The following SLC2A14 variants were observed in gnomAD, a reference collection of about 807,000 sequenced individuals.
SLC2A14 encodes the protein solute carrier family 2, facilitated glucose transporter member 14.
A neutral mutation model predicts 43.0 loss-of-function variants in SLC2A14; 13 were observed. The observed-to-expected ratio is 0.30, with a 90% confidence interval of 0.20 to 0.48. SLC2A14 has a LOEUF of 0.48. SLC2A14 is among the 20% of genes least tolerant of loss of function. The pLI is 0.99. For synonymous variants in SLC2A14, 190 were observed against 233.8 expected, an observed-to-expected ratio of 0.81 and a Z score of 1.71; for missense variants, 428 against 620.4, an observed-to-expected ratio of 0.69 and a Z score of 3.29.
At chr12:7,841,541 G>A (rs1048271775) in intron 2 of SLC2A14, among the ~76,000 whole-genome samples, 1 of 152,126 alleles carries the variant, frequency 6.6e-6, no homozygotes, top group African/African-American at 2.4e-5. Flanking sequence ...GATTACAGGC[G>A]TGAGCCAGCT....
At chr12:7,838,677 A>G (rs1010746135) in intron 2 of SLC2A14, among the ~76,000 whole-genome samples, 6 of 152,226 alleles carry the variant, frequency 3.9e-5, no homozygotes, top group African/African-American at 1.4e-4. Flanking sequence ...GAATGGGTTA[A>G]GACTTTAGGG....
chr12:7,846,789 A>C (rs982850240), intron 2 of SLC2A14, among the ~76,000 whole-genome samples: 7 of 150,756 alleles, frequency 4.6e-5, no homozygotes, highest in Non-Finnish European at 1.0e-4. Context: ...CCGCCACTAC[A>C]CCCGCCTAAT....
chr12:7,873,263 A>C (rs1227636703), upstream of SLC2A14: 1 of 985,370 alleles, frequency 1.0e-6, no homozygotes, highest in Non-Finnish European at 1.2e-6. Flanking sequence ...CGAGCCCCTC[A>C]CCGCCTGCAG....
chr12:7,879,742 T>C (rs1335291134), intron 1 of SLC2A14, among the ~76,000 whole-genome samples: 1 of 152,028 alleles, frequency 6.6e-6, no homozygotes, highest in Non-Finnish European at 1.5e-5. Context: ...CAGTGGCTCA[T>C]GCCTGTAATC....
chr12:7,871,835 C>A, intron 1 of SLC2A14: 1 of 913,906 alleles, frequency 1.1e-6, no homozygotes, highest in Non-Finnish European at 1.3e-6. Context: ...CACTAGACTC[C>A]TCCCCTACAC....
chr12:7,874,808 ATACG>A (rs372288894), upstream of SLC2A14, among the ~76,000 whole-genome samples: 35,532 of 62,616 alleles, frequency 0.57, 8,162 homozygotes, highest in Middle Eastern at 0.7. Flanking sequence ...TAATATATAA[ATACG>A]TATTTATATA....
chr12:7,887,255 T>C (rs951998890), intron 1 of SLC2A14, among the ~76,000 whole-genome samples: 6 of 151,294 alleles, frequency 4.0e-5, no homozygotes, highest in African/African-American at 1.2e-4. Context: ...TCTAGAAGAG[T>C]AGTTCTTAAA....
chr12:7,838,331 C>T (rs1476439410), intron 2 of SLC2A14, among the ~76,000 whole-genome samples: 3 of 152,080 alleles, frequency 2.0e-5, no homozygotes, highest in Admixed American at 6.6e-5. Flanking sequence ...TGCGATCCAC[C>T]TGCCTCGGCC....
At chr12:7,818,058 G>A (rs1441714622) in intron 9 of SLC2A14, 24 bp from the exon 10 acceptor site, 2 of 1,603,360 alleles carry the variant, frequency 1.2e-6, no homozygotes, top group East Asian at 2.2e-5. Flanking sequence ...GAACACAGAA[G>A]ATTAAATTTA....
chr12:7,847,232 C>A (rs7980954), intron 2 of SLC2A14, among the ~76,000 whole-genome samples: 76,145 of 151,424 alleles, frequency 0.5, 19,134 homozygotes, highest in Middle Eastern at 0.62. Context: ...AGCCTGGGCA[C>A]CAAGAGAGAA....
upstream of SLC2A14, among the ~76,000 whole-genome samples, chr12:7,877,155 A>G (rs1338774187): frequency 6.6e-6 from 1 of 151,822 alleles, no homozygotes; most frequent in East Asian, 1.9e-4. Flanking sequence ...GGCGCATGCC[A>G]CTCGGCTAAT....
At chr12:7,861,413 C>G (rs187723520) in intron 2 of SLC2A14, among the ~76,000 whole-genome samples, 1 of 152,216 alleles carries the variant, frequency 6.6e-6, no homozygotes, top group Admixed American at 6.5e-5. Flanking sequence ...TTCAGTACCA[C>G]TGCTAGCTTT....
chr12:7,835,435 A>G (rs371811706), intron 2 of SLC2A14, among the ~76,000 whole-genome samples: 1 of 152,218 alleles, frequency 6.6e-6, no homozygotes, highest in East Asian at 1.9e-4. Flanking sequence ...AGGTCTGCCT[A>G]GAAAAAAAGG....
intron 7 of SLC2A14, among the ~76,000 whole-genome samples, chr12:7,822,586 G>A (rs921148502): frequency 8.6e-5 from 13 of 151,162 alleles, no homozygotes; most frequent in Non-Finnish European, 1.6e-4. Context: ...GGAGAATGGC[G>A]TGAACCTGGG....
Position 7,861,969 on chromosome 12 carries a change from A to AC in SLC2A14, c.18+7893_18+7894insG, listed in dbSNP as rs964425304. Among the ~76,000 whole-genome samples, 11 of 148,058 alleles carry AC rather than the reference A, an allele frequency of 7.4e-5. 1 individual carries two copies. Among genetic ancestry groups the AC allele is most frequent in the South Asian group, 4.3e-4 (2 of 4,622 alleles). ...AGAGCGAGACTCCATTTCAAAAAAAAAAAAACAAAAACAAAGGCCAGTGTG... is the reference window on the plus strand; with the variant it reads ...AGAGCGAGACTCCATTTCAAAAAAAACAAAAACAAAAACAAAGGCCAGTGTG... On this transcript the variant is annotated intron_variant, in intron 2 of 10. Coordinates refer to ENST00000431042, the MANE Select transcript of SLC2A14 (RefSeq NM_001286234.2).
rs757305543 is a variant in SLC2A14 at position 7,861,567 on chromosome 12, T to C, written c.18+8296A>G. 1.6e-4 allele frequency among the ~76,000 whole-genome samples: 25 copies of C among 152,104 alleles called. 1 individual carries two copies. Among genetic ancestry groups the C allele is most frequent in the Non-Finnish European group, 2.9e-4 (20 of 68,028 alleles). Reference sequence around the variant, plus strand: ...CTGGCCAGTGGATTGCAGGCTGTATTTCAGCCTCTACTTATCCCACAAAAC... The same window carrying C: ...CTGGCCAGTGGATTGCAGGCTGTATCTCAGCCTCTACTTATCCCACAAAAC... On this transcript the variant is annotated intron_variant, in intron 2 of 10. Coordinates refer to ENST00000431042, the MANE Select transcript of SLC2A14 (RefSeq NM_001286234.2).
chr12:7,846,639 T>TC (rs1034850301), intron 2 of SLC2A14, among the ~76,000 whole-genome samples: 3 of 151,388 alleles, frequency 2.0e-5, no homozygotes, highest in African/African-American at 4.8e-5. Flanking sequence ...TTCATAATTT[T>TC]TTTTTTTTTT....
rs550159374 is a variant in SLC2A14 at position 7,828,236 on chromosome 12, G to A, written c.676+468C>T. Among the ~76,000 whole-genome samples the A allele has an allele frequency of 2.2e-3, 330 of 152,014 alleles. 5 individuals are homozygous for A. Among genetic ancestry groups the A allele is most frequent in the Middle Eastern group, 0.017 (5 of 294 alleles). Reference sequence around the variant, plus strand: ...AACATTAGCTGGCGTGGTGTCGCGCGCACCTGTAGTCCCAGCTACTCGGGA... The same window carrying A: ...AACATTAGCTGGCGTGGTGTCGCGCACACCTGTAGTCCCAGCTACTCGGGA... On this transcript the variant is annotated intron_variant, in intron 6 of 10. Coordinates refer to ENST00000431042, the MANE Select transcript of SLC2A14 (RefSeq NM_001286234.2).
chr12:7,828,682 C>T (rs200996207), intron 6 of SLC2A14, 22 bp downstream of exon 6: 2 of 1,613,030 alleles, frequency 1.2e-6, no homozygotes, highest in Non-Finnish European at 1.7e-6. Flanking sequence ...ACTTTGTATA[C>T]TAAAGAGTGA....
Sources: allele counts gnomAD v4.1 joint callset (sites outside exome capture counted in the v4.1 genomes callset), GRCh38; gene constraint gnomAD v4.1.1; transcripts MANE v1.5; gene names NCBI Gene and HGNC (gene_info 2026-07-23, HGNC 2026-07-21).